Variants in THRA observed in about 807,000 individuals in gnomAD.
THRA encodes thyroid hormone receptor alpha, also known as EAR-7.
A neutral mutation model predicts 45.0 loss-of-function variants in THRA; 13 were observed. That is an observed-to-expected ratio of 0.29 (90% confidence interval 0.19 to 0.46). The LOEUF (loss-of-function observed/expected upper bound fraction) is 0.46, where lower values mean the gene tolerates loss of function less well. THRA is among the 20% of genes least tolerant of loss of function. THRA has a pLI of 1.00. For synonymous variants in THRA, 195 were observed against 214.0 expected, an observed-to-expected ratio of 0.91 and a Z score of 0.78; for missense variants, 278 against 556.1, an observed-to-expected ratio of 0.50 and a Z score of 5.03.
intron 6 of THRA, 69 bp from the exon 7 acceptor site, chr17:40,086,638 G>A: frequency 2.5e-6 from 4 of 1,571,222 alleles, no homozygotes; most frequent in Non-Finnish European, 3.5e-6. Flanking sequence ...TCCCCCTGGT[G>A]GGCAGGGAGC....
chr17:40,062,702 G>C (rs1986394957), upstream of THRA: 1 of 151,084 alleles, frequency 6.6e-6, no homozygotes. Flanking sequence ...CCCGGGCTGG[G>C]GAGGGCGAGT....
Position 40,092,083 on chromosome 17 carries a change from A to T in THRA, c.*2627A>T, listed in dbSNP as rs1170662325. 6.6e-6 allele frequency: 1 copy of T among 152,348 alleles called. No homozygotes were observed. Among genetic ancestry groups the T allele is most frequent in the Admixed American group, 6.6e-5 (1 of 15,250 alleles). 9.4% of individuals were successfully genotyped at this position (152,348 alleles called of 1,614,324 possible). On this transcript the variant is annotated 3_prime_UTR_variant, in exon 9 of 9. Transcript: ENST00000450525. ...GCCAGGACAAGGGGTTGCCAGAGCCATGACCACTACCCCGCCCCCACCACC... is the reference window on the plus strand; with the variant it reads ...GCCAGGACAAGGGGTTGCCAGAGCCTTGACCACTACCCCGCCCCCACCACC...
At chr17:40,074,618 A>G in intron 2 of THRA, 77 bp downstream of exon 2, 4 of 1,514,236 alleles carry the variant, frequency 2.6e-6, no homozygotes, top group Non-Finnish European at 3.7e-6. Context: ...TCCTTTAGGC[A>G]CCGCCTTTAA....
chr17:40,082,779 TTTTTTG>T (rs1987188373), intron 4 of THRA, among the ~76,000 whole-genome samples: 1 of 140,152 alleles, frequency 7.1e-6, no homozygotes, highest in African/African-American at 2.8e-5. Context: ...TTTTTTTTTT[TTTTTTG>T]AGATGGAGTC....
intron 1 of THRA, among the ~76,000 whole-genome samples, chr17:40,064,984 T>C (rs1986501496): frequency 6.6e-6 from 1 of 151,988 alleles, no homozygotes; most frequent in Non-Finnish European, 1.5e-5. Context: ...TCACAAATTT[T>C]TCCCCTTCAG....
chr17:40,079,902 A>G (rs1225092950), intron 4 of THRA, among the ~76,000 whole-genome samples: 1 of 152,138 alleles, frequency 6.6e-6, no homozygotes, highest in Non-Finnish European at 1.5e-5. Context: ...GCCTGTCTCT[A>G]CTAAAAATAC....
intron 7 of THRA, 41 bp from the exon 8 acceptor site, chr17:40,088,201 A>G (rs1598398069): frequency 6.5e-7 from 1 of 1,546,068 alleles, no homozygotes; most frequent in Non-Finnish European, 8.7e-7. Flanking sequence ...GGACGCGGGG[A>G]GGGGTATGCT....
At chr17:40,093,617 C>A (rs916769519), downstream of THRA, 5 of 703,624 alleles carry the variant, frequency 7.1e-6, no homozygotes, top group Admixed American at 1.2e-4. The surrounding 1 kb of genome is among the most constrained non-coding windows in gnomAD (Gnocchi z 5.9). Context: ...CTCTGCCTGG[C>A]AACATCTTAC....
At chr17:40,085,272 G>A (rs1373201979) in intron 6 of THRA, among the ~76,000 whole-genome samples, 3 of 152,092 alleles carry the variant, frequency 2.0e-5, no homozygotes, top group Non-Finnish European at 4.4e-5. Flanking sequence ...CAAGGTGGGA[G>A]GATCGCTTGA....
At chr17:40,080,150 A>G (rs1387853913) in intron 4 of THRA, among the ~76,000 whole-genome samples, 2 of 152,156 alleles carry the variant, frequency 1.3e-5, no homozygotes, top group African/African-American at 2.4e-5. Context: ...CTGTAATCCA[A>G]ACACTTTAGG....
At position 40,074,548 on chromosome 17, in the gene THRA, G is replaced by A; in HGVS notation, c.53+7G>A. 3.1e-6 allele frequency: 5 copies of A among 1,614,062 alleles called. No individual in the cohort carries two copies. The highest frequency in any genetic ancestry group is 3.4e-6 in the Non-Finnish European group (4 of 1,179,932). On this transcript the variant is annotated splice_region_variant and intron_variant, in intron 2 of 8. Transcript: ENST00000450525. ...CAGACCCAGAGGAGAACAGGTAATGGGTTCAGCAACTAGGTCATGCCAACT... is the reference window on the plus strand; with the variant it reads ...CAGACCCAGAGGAGAACAGGTAATGAGTTCAGCAACTAGGTCATGCCAACT...
At chr17:40,063,128 A>T (rs1452721918) in intron 1 of THRA, 36 bp downstream of exon 1, 3 of 152,212 alleles carry the variant, frequency 2.0e-5, no homozygotes, top group Non-Finnish European at 4.4e-5. Context: ...TTAATATGCA[A>T]ATGCCTTGCG....
At chr17:40,080,495 C>A (rs572191386) in intron 4 of THRA, among the ~76,000 whole-genome samples, 1 of 152,048 alleles carries the variant, frequency 6.6e-6, no homozygotes, top group South Asian at 2.1e-4. Flanking sequence ...AAACCAAGAC[C>A]ATGAGGGATT....
In THRA at chr17:40,074,132, A is replaced by T. The variant is rs531809381; in HGVS notation, c.-297-60A>T. 1.1e-5 allele frequency: 3 copies of T among 266,614 alleles called. No homozygotes were observed. In the East Asian group the frequency reaches 2.6e-4, roughly 23 times the overall value. 16.5% of individuals were successfully genotyped at this position (266,614 alleles called of 1,614,324 possible). A position where few individuals can be genotyped will look rare whatever the true frequency, so the allele number is the denominator to read the frequency against. ...AGCCCCAAATGTTGCCACCAAAGGG[A>T]TCCTACCCACCTTCCTACCGTGACA... is the stretch of plus-strand genomic sequence containing the variant. On this transcript the variant is annotated intron_variant, in intron 1 of 8. Transcript: ENST00000450525.
At chr17:40,081,706 G>A (rs942184911) in intron 4 of THRA, among the ~76,000 whole-genome samples, 8 of 151,978 alleles carry the variant, frequency 5.3e-5, no homozygotes, top group Non-Finnish European at 1.0e-4. Context: ...GCTCACGCCT[G>A]TAATCCCAGC....
intron 4 of THRA, among the ~76,000 whole-genome samples, chr17:40,081,839 T>G (rs537533772): frequency 1.6e-4 from 25 of 152,042 alleles, no homozygotes; most frequent in African/African-American, 5.5e-4. Context: ...GGTGGGCACC[T>G]GTAGTCCCAG....
rs910797802 is a variant in THRA at position 40,088,343 on chromosome 17, G to T, written c.825G>T (p.Thr275=). The change falls in exon 8 of 9, where the codon ACG becomes ACT. Residue 275 remains threonine (T), a synonymous_variant. Transcript: ENST00000450525. The stretch of plus-strand genomic sequence containing the variant: ...ACGACCCTGAGAGCGACACCCTGAC[G>T]CTGAGTGGGGAGATGGCTGTCAAGC... ...VRYDPESDTL[T]LSGEMAVKRE... 13 of 1,613,982 alleles carry T rather than the reference G, an allele frequency of 8.1e-6. No homozygotes were observed. The African/African-American group carries it at 1.7e-4, about 22-fold the overall frequency.
At chr17:40,093,393 A>G (rs191840807), downstream of THRA, 79 of 1,607,122 alleles carry the variant, frequency 4.9e-5, no homozygotes, top group Admixed American at 1.3e-3. This position sits in a 1 kb window ranked among gnomAD's most constrained non-coding sequence, Gnocchi z 5.9. Context: ...AGCCCCCCAG[A>G]AGGCCGATGG....
At chr17:40,082,465 G>A (rs559722567) in intron 4 of THRA, among the ~76,000 whole-genome samples, 68 of 151,494 alleles carry the variant, frequency 4.5e-4, no homozygotes, top group African/African-American at 1.6e-3. Flanking sequence ...CACCTCCTGG[G>A]TTCAAGCGAT....
Sources: allele counts gnomAD v4.1 joint callset (sites outside exome capture counted in the v4.1 genomes callset), GRCh38; gene constraint gnomAD v4.1.1; non-coding constraint Gnocchi (gnomAD v3.1); transcripts MANE v1.5; gene names NCBI Gene and HGNC (gene_info 2026-07-23, HGNC 2026-07-21).